TBC1D25: variants seen among roughly 807,000 people sequenced by gnomAD.
TBC1D25 encodes TBC1 domain family member 25, also known as 5SN3 snoRNA.
TBC1D25 carries 13 observed loss-of-function variants against 38.8 expected under a neutral mutation model. That is an observed-to-expected ratio of 0.34 (90% CI 0.22 to 0.53). TBC1D25 has a LOEUF of 0.53. Among genes scored for constraint, TBC1D25 ranks in the 20% least tolerant of loss-of-function variants. TBC1D25 has a pLI of 0.94. For synonymous variants in TBC1D25, 225 were observed against 255.6 expected (o/e 0.88, Z 1.14); for missense variants, 372 against 600.0 (o/e 0.62, Z 3.97).
intron 3 of TBC1D25, 69 bp from the exon 4 acceptor site, chrX:48,558,828 G>A (rs782808699): frequency 5.1e-6 from 6 of 1,181,268 alleles, no homozygotes; most frequent in Admixed American, 4.6e-5. Flanking sequence ...TCAGTAGAAG[G>A]AGAGGAAGCC....
rs1556985770 is a variant in TBC1D25, at chrX:48,560,259, C to G, written c.1351C>G (p.Gln451Glu). ...HEVELVGPPS[Q>E]VADAGFGGHR... ...GGTAGAGCTGGTTGGACCCCCCAGC[C>G]AAGTGGCAGACGCTGGTTTTGGTGG... is the stretch of plus-strand genomic sequence containing the variant. The change falls in exon 6 of 6, where the codon CAA becomes GAA. Residue 451 changes from glutamine (Q) to glutamate (E), a missense_variant. This residue lies in a region of TBC1D25 where 312 missense variants were observed against 549.3 expected (regional missense o/e 0.57). Coordinates refer to ENST00000376771, the MANE Select transcript of TBC1D25 (RefSeq NM_002536.4). 19 of 1,211,622 alleles carry G rather than the reference C, an allele frequency of 1.6e-5. No homozygotes were observed. Among genetic ancestry groups the G allele is most frequent in the Middle Eastern group, 4.6e-4 (2 of 4,355 alleles).
intron 2 of TBC1D25, 98 bp downstream of exon 2, chrX:48,541,540 A>G: frequency 2.5e-6 from 2 of 816,231 alleles, no homozygotes; most frequent in Non-Finnish European, 3.7e-6. Flanking sequence ...TTTTACTACT[A>G]CAAATAATCC....
At chrX:48,542,025 TC>T (rs1243886268) in intron 2 of TBC1D25, among the ~76,000 whole-genome samples, 3 of 77,923 alleles carry the variant, frequency 3.8e-5, no homozygotes, top group Non-Finnish European at 7.0e-5. Context: ...CCTTTTTATT[TC>T]TTTTTTTTTT....
At chrX:48,541,589 T>TACTCCA (rs2147166914) in intron 2 of TBC1D25, 147 bp downstream of exon 2, 1 of 578,093 alleles carries the variant, frequency 1.7e-6, no homozygotes, top group Admixed American at 2.7e-5. Flanking sequence ...TGGAGCACAG[T>TACTCCA]AGTCTACTTT....
rs2062014884 is a variant in TBC1D25, at chrX:48,560,472, G to T, written c.1564G>T (p.Asp522Tyr). Residue 522 changes from aspartate (D) to tyrosine (Y), a missense_variant, in exon 6 of 6, where the codon GAC (aspartate) becomes TAC (tyrosine). Coordinates refer to ENST00000376771, the MANE Select transcript of TBC1D25 (RefSeq NM_002536.4). Reference protein sequence around the residue: ...QLRDNMGSRRDPLVQLPHPAA... With the variant: ...QLRDNMGSRRYPLVQLPHPAA... ...CAGGGATAACATGGGCTCCAGGAGG[G>T]ACCCTCTGGTCCAGCTGCCCCACCC... 8.3e-7 allele frequency: 1 copy of T among 1,209,332 alleles called. No homozygotes were observed. The highest frequency in any genetic ancestry group is 1.1e-6 in the Non-Finnish European group (1 of 894,324).
chrX:48,548,654 G>A (rs372333888), intron 3 of TBC1D25, among the ~76,000 whole-genome samples: 8 of 111,331 alleles, frequency 7.2e-5, no homozygotes, highest in African/African-American at 2.6e-4. Context: ...TCCTGGGAAC[G>A]CTATGCCTAA....
chrX:48,546,451 T>G (rs1291355984), intron 3 of TBC1D25, among the ~76,000 whole-genome samples: 4 of 110,233 alleles, frequency 3.6e-5, no homozygotes, highest in Non-Finnish European at 5.7e-5. Context: ...AGGCGGAGCT[T>G]GCAGTGAGCC....
At chrX:48,551,448 C>T (rs2061931802) in intron 3 of TBC1D25, among the ~76,000 whole-genome samples, 1 of 109,915 alleles carries the variant, frequency 9.1e-6, no homozygotes, top group African/African-American at 3.3e-5. Context: ...CTGCCTCAGC[C>T]TCTTGAGTAG....
intron 3 of TBC1D25, among the ~76,000 whole-genome samples, chrX:48,549,580 C>T (rs1602108255): frequency 8.9e-6 from 1 of 112,801 alleles, no homozygotes; most frequent in Non-Finnish European, 1.9e-5. Context: ...CGGCTCACTG[C>T]AACCTCCGCC....
At position 48,557,893 on chromosome X, in the gene TBC1D25, G is replaced by A. The variant is rs782570197; in HGVS notation, c.389-1004G>A. Among the ~76,000 whole-genome samples, 7 of 109,258 alleles carry A rather than the reference G, an allele frequency of 6.4e-5. No homozygotes were observed. The South Asian group carries it at 2.0e-3, about 31-fold the overall frequency. The allele number at this position is 109,258 out of a possible 115,157, so 94.9% of individuals were successfully genotyped here. A position where few individuals can be genotyped will look rare whatever the true frequency, so the allele number is the denominator to read the frequency against. On this transcript the variant is annotated intron_variant, in intron 3 of 5. Transcript: ENST00000376771. ...GGGTAGGCCAAGGCGAGTGGATCAC[G>A]TGAGGTCAGGAGTTCAAGACCAGCC... is the stretch of plus-strand genomic sequence containing the variant.
Position 48,560,497 on chromosome X carries a change from C to A in TBC1D25, c.1589C>A (p.Pro530Gln). Residue 530 changes from proline (P) to glutamine (Q), a missense_variant, in exon 6 of 6, where the codon CCA (proline) becomes CAA (glutamine). Transcript: ENST00000376771. Reference sequence around the variant, plus strand: ...GACCCTCTGGTCCAGCTGCCCCACCCAGCTGCCCTTATCAGCTCCAAGTCC... The same window carrying A: ...GACCCTCTGGTCCAGCTGCCCCACCAAGCTGCCCTTATCAGCTCCAAGTCC... ...RRDPLVQLPH[P>Q]AALISSKSLS... The A allele has an allele frequency of 8.3e-7, 1 of 1,210,828 alleles. No individual in the cohort carries two copies. Among genetic ancestry groups the A allele is most frequent in the Non-Finnish European group, 1.1e-6 (1 of 894,943 alleles).
intron 3 of TBC1D25, among the ~76,000 whole-genome samples, chrX:48,547,574 G>T (rs374427276): frequency 8.9e-6 from 1 of 112,101 alleles, no homozygotes; most frequent in Non-Finnish European, 1.9e-5. Context: ...GAACTGGGAC[G>T]AATGCCAGTA....
In TBC1D25 at chrX:48,539,883, A is replaced by G; in HGVS notation, c.86A>G (p.Glu29Gly). ...GGAGCTCAGGCGGCGGCGGCCGCTG[A>G]GGAGGAGGAGCGAGAGGTGGTGCGG... ...GVGAQAAAAA[E>G]EEEREVVRVR... Residue 29 changes from glutamate to glycine, a missense_variant, in exon 1 of 6, where the codon GAG becomes GGG. This residue lies in a region of TBC1D25 where 60 missense variants were observed against 50.7 expected (regional missense o/e 1.18). Transcript: ENST00000376771. 1.0e-6 allele frequency: 1 copy of G among 961,508 alleles called. No individual in the cohort carries two copies. The highest frequency in any genetic ancestry group is 4.8e-5 in the South Asian group (1 of 21,023). The allele number at this position is 961,508 out of a possible 1,213,427, so 79.2% of individuals were successfully genotyped here. A position where few individuals can be genotyped will look rare whatever the true frequency, so the allele number is the denominator to read the frequency against.
intron 3 of TBC1D25, among the ~76,000 whole-genome samples, chrX:48,554,796 T>C (rs2061963241): frequency 8.9e-6 from 1 of 112,000 alleles, no homozygotes; most frequent in South Asian, 3.7e-4. Flanking sequence ...ACTCAAATCA[T>C]TGAACCTTAG....
intron 3 of TBC1D25, among the ~76,000 whole-genome samples, chrX:48,551,011 T>G (rs1556983128): frequency 9.0e-6 from 1 of 111,412 alleles, no homozygotes; most frequent in Non-Finnish European, 1.9e-5. Flanking sequence ...TAAGATAATT[T>G]TATCCGGTTC....
chrX:48,544,808 CTG>C, intron 2 of TBC1D25, 59 bp from the exon 3 acceptor site: 2 of 1,174,498 alleles, frequency 1.7e-6, no homozygotes, highest in Admixed American at 2.5e-5. Context: ...GTTTTGGAAA[CTG>C]TCCCTGAGGC....
chrX:48,558,822 TAGA>T (rs782123239), intron 3 of TBC1D25, 72 bp from the exon 4 acceptor site: 681 of 1,170,363 alleles, frequency 5.8e-4, no homozygotes, highest in Non-Finnish European at 7.4e-4. Context: ...CCGGCTTCAG[TAGA>T]AGGAGAGGAA....
intron 3 of TBC1D25, among the ~76,000 whole-genome samples, chrX:48,549,412 A>G: frequency 8.9e-6 from 1 of 112,771 alleles, no homozygotes; most frequent in East Asian, 2.8e-4. Flanking sequence ...TGCTTACGGG[A>G]TGGATCTGTT....
chrX:48,543,900 G>T (rs912267934), intron 2 of TBC1D25, among the ~76,000 whole-genome samples: 1 of 100,146 alleles, frequency 1.0e-5, no homozygotes, highest in African/African-American at 3.8e-5. Flanking sequence ...AAAAAAAAAC[G>T]AATTTATGAT....
Sources: gnomAD v4.1 joint callset for allele counts (sites outside exome capture counted in the v4.1 genomes callset) on GRCh38, gnomAD v4.1.1 for gene constraint, gnomAD v4.1.1 regional missense constraint, MANE v1.5 for transcripts, NCBI Gene and HGNC (gene_info 2026-07-23, HGNC 2026-07-21) for gene names.